CNTNAP2: variants seen among roughly 807,000 people sequenced by gnomAD.
The protein encoded by CNTNAP2 is contactin-associated protein-like 2.
CNTNAP2 carries 98 observed loss-of-function variants against 155.2 expected under a neutral mutation model. The ratio of observed to expected loss-of-function variants is 0.63; its 90% CI spans 0.54 to 0.75. The LOEUF is 0.75. Among genes scored for constraint, CNTNAP2 ranks in the 30% least tolerant of loss-of-function variants. The probability of loss-of-function intolerance (pLI) is 0.00; values close to 1 mark genes in which losing one functional copy is unlikely to be tolerated. For missense variants in CNTNAP2, 1,727 were observed against 1,688.1 expected (o/e 1.02, Z -0.40); for synonymous variants, 651 against 631.2 (o/e 1.03, Z -0.47).
At chr7:146,642,713 A>G (rs1157266283) in intron 1 of CNTNAP2, among the ~76,000 whole-genome samples, 1 of 152,098 alleles carries the variant, frequency 6.6e-6, no homozygotes, top group Non-Finnish European at 1.5e-5. Flanking sequence ...TTCTAGTTCT[A>G]GATCTCTGAG....
chr7:146,149,693 C>A (rs1297661491), intron 1 of CNTNAP2, among the ~76,000 whole-genome samples: 1 of 151,650 alleles, frequency 6.6e-6, no homozygotes, highest in Non-Finnish European at 1.5e-5. Context: ...AACTTGGTAT[C>A]CATATAGGAA....
intron 1 of CNTNAP2, among the ~76,000 whole-genome samples, chr7:146,241,179 C>T (rs1339827829): frequency 1.3e-5 from 2 of 152,152 alleles, no homozygotes; most frequent in African/African-American, 4.8e-5. Flanking sequence ...GATGACAATT[C>T]AACATGAGAT....
intron 13 of CNTNAP2, among the ~76,000 whole-genome samples, chr7:147,836,577 A>G (rs1798637867): frequency 6.6e-6 from 1 of 151,574 alleles, no homozygotes; most frequent in African/African-American, 2.4e-5. Flanking sequence ...CTCTCCTAAC[A>G]CCCTTTCCCT....
At chr7:147,319,271 C>T (rs1258564874) in intron 9 of CNTNAP2, among the ~76,000 whole-genome samples, 1 of 152,082 alleles carries the variant, frequency 6.6e-6, no homozygotes, top group Non-Finnish European at 1.5e-5. Context: ...AGTATATATA[C>T]ATTTTTATTA....
At chr7:146,605,235 C>T (rs1739398022) in intron 1 of CNTNAP2, among the ~76,000 whole-genome samples, 1 of 151,142 alleles carries the variant, frequency 6.6e-6, no homozygotes, top group South Asian at 2.1e-4. Context: ...CACTGTATGG[C>T]TAGAAACTAG....
intron 13 of CNTNAP2, among the ~76,000 whole-genome samples, chr7:147,895,264 G>A (rs565682088): frequency 3.9e-4 from 60 of 151,934 alleles, no homozygotes; most frequent in Admixed American, 2.6e-3. Flanking sequence ...GTGAGCCACC[G>A]CGCCCAGCTT....
chr7:146,394,497 T>C (rs1795591091), intron 1 of CNTNAP2, among the ~76,000 whole-genome samples: 1 of 138,360 alleles, frequency 7.2e-6, no homozygotes, highest in African/African-American at 2.6e-5. Flanking sequence ...TTGGATAGAA[T>C]GTTTTATTTC....
Position 147,152,365 on chromosome 7 carries a change from C to T in CNTNAP2, c.1348+19856C>T, listed in dbSNP as rs541315370. On this transcript the variant is annotated intron_variant, in intron 8 of 23. Coordinates refer to ENST00000361727, the MANE Select transcript of CNTNAP2 (RefSeq NM_014141.6). ...CCTGAATGCCTGGGTTCAAATCTAC[C>T]ACATACTTAAATGCCTATGAATTAT... 2.0e-5 allele frequency among the ~76,000 whole-genome samples: 3 copies of T among 152,054 alleles called. No homozygotes were observed. The South Asian group carries it at 6.2e-4, about 32-fold the overall frequency.
At chr7:147,820,966 T>C (rs967567166) in intron 13 of CNTNAP2, among the ~76,000 whole-genome samples, 1 of 152,054 alleles carries the variant, frequency 6.6e-6, no homozygotes, top group Non-Finnish European at 1.5e-5. Context: ...AACAGAGTGC[T>C]GAATGGAAAA....
intron 2 of CNTNAP2, among the ~76,000 whole-genome samples, chr7:146,804,901 C>T (rs932673601): frequency 6.6e-6 from 1 of 152,176 alleles, no homozygotes; most frequent in African/African-American, 2.4e-5. Flanking sequence ...GGCTTTCTTT[C>T]AATACTGCAA....
intron 12 of CNTNAP2, among the ~76,000 whole-genome samples, chr7:147,565,304 G>A (rs1348652882): frequency 6.6e-6 from 1 of 152,140 alleles, no homozygotes; most frequent in Admixed American, 6.6e-5. Context: ...AAATAAAGCA[G>A]GGGAAAGGTG....
intron 13 of CNTNAP2, among the ~76,000 whole-genome samples, chr7:147,776,535 A>G (rs1271013570): frequency 6.6e-6 from 1 of 152,156 alleles, no homozygotes. Flanking sequence ...AGTCTCTGAG[A>G]CCCTCAATTT....
chr7:146,159,629 T>C (rs1033020042), intron 1 of CNTNAP2, among the ~76,000 whole-genome samples: 1 of 151,946 alleles, frequency 6.6e-6, no homozygotes, highest in Non-Finnish European at 1.5e-5. Context: ...CAAAAAAGAT[T>C]GAAAGAGACA....
Position 147,859,503 on chromosome 7 carries a change from A to G in CNTNAP2, c.2099-44062A>G, listed in dbSNP as rs1203563414. On this transcript the variant is annotated intron_variant, in intron 13 of 23. Coordinates refer to ENST00000361727, the MANE Select transcript of CNTNAP2 (RefSeq NM_014141.6). ...TTTGTAAGCTGTCTCACAAGAAGGT[A>G]GTATTTATTTTTTCCAAGGAGCTAT... Among the ~76,000 whole-genome samples the G allele has an allele frequency of 4.0e-5, 6 of 151,200 alleles. No homozygotes were observed. In the Admixed American group the frequency reaches 4.0e-4, roughly 10 times the overall value.
chr7:147,543,382 G>T (rs1228926719), intron 11 of CNTNAP2, among the ~76,000 whole-genome samples: 1 of 152,162 alleles, frequency 6.6e-6, no homozygotes, highest in Non-Finnish European at 1.5e-5. Context: ...TGGGTGTTAG[G>T]GCCATTATGA....
chr7:148,354,946 A>G lies in CNTNAP2; in HGVS notation c.3476-28703A>G, dbSNP rs547257880. Among the ~76,000 whole-genome samples the G allele has an allele frequency of 1.4e-4, 21 of 152,142 alleles. 1 individual carries two copies. The South Asian group carries it at 4.4e-3, about 32-fold the overall frequency. On this transcript the variant is annotated intron_variant, in intron 21 of 23. Transcript: ENST00000361727. ...CACTGATTTGGAGGCCTGAGTGTCA[A>G]TGACAAAAGCAATCCAAACCCAAAA...
intron 12 of CNTNAP2, among the ~76,000 whole-genome samples, chr7:147,608,647 G>A (rs1404997414): frequency 6.6e-6 from 1 of 152,058 alleles, no homozygotes; most frequent in Non-Finnish European, 1.5e-5. Flanking sequence ...CATCATTGAT[G>A]ATAATGAGAG....
chr7:146,713,052 T>C (rs1225389444), intron 1 of CNTNAP2, among the ~76,000 whole-genome samples: 3 of 152,092 alleles, frequency 2.0e-5, no homozygotes, highest in Non-Finnish European at 2.9e-5. Flanking sequence ...CTGAATTACT[T>C]CATTTGGTTT....
Position 147,131,103 on chromosome 7 carries a change from CACAT to C in CNTNAP2, c.1084-1140_1084-1137del, listed in dbSNP as rs1315183589. On this transcript the variant is annotated intron_variant, in intron 7 of 23. Coordinates refer to ENST00000361727, the MANE Select transcript of CNTNAP2 (RefSeq NM_014141.6). ...ATGTATATATGTGTATATATACACA[CACAT>C]ATATATACCATATACATATATATAC... is the stretch of plus-strand genomic sequence containing the variant. Among the ~76,000 whole-genome samples the C allele has an allele frequency of 3.6e-5, 5 of 139,698 alleles. No individual in the cohort carries two copies. In the Admixed American group the frequency reaches 3.8e-4, roughly 11 times the overall value. The allele number at this position is 139,698 out of a possible 152,430, so 91.6% of individuals were successfully genotyped here. A position where few individuals can be genotyped will look rare whatever the true frequency, so the allele number is the denominator to read the frequency against.
Sources: allele counts gnomAD v4.1 joint callset (sites outside exome capture counted in the v4.1 genomes callset), GRCh38; gene constraint gnomAD v4.1.1; transcripts MANE v1.5; gene names NCBI Gene and HGNC (gene_info 2026-07-23, HGNC 2026-07-21).